The following NTMT2 variants were observed in gnomAD, a reference collection of about 807,000 sequenced individuals.
The protein encoded by NTMT2 is N-terminal Xaa-Pro-Lys N-methyltransferase 2.
A neutral mutation model predicts 23.4 loss-of-function variants in NTMT2; 21 were observed. That is an observed-to-expected ratio of 0.90 (90% CI 0.64 to 1.29). The LOEUF is 1.29. Ranked by LOEUF, NTMT2 falls within the 50% of genes most tolerant of loss-of-function variation. The pLI is 0.00. For missense variants in NTMT2, 336 were observed against 352.0 expected, an observed-to-expected ratio of 0.95 and a Z score of 0.36; for synonymous variants, 131 against 127.7, an observed-to-expected ratio of 1.03 and a Z score of -0.17.
At chr1:170,152,662 A>G (rs1390337139) in intron 1 of NTMT2, among the ~76,000 whole-genome samples, 1 of 152,098 alleles carries the variant, frequency 6.6e-6, no homozygotes, top group Non-Finnish European at 1.5e-5. Context: ...GCTTTCTAGT[A>G]TCCTGGCACA....
At chr1:170,157,607 T>C (rs1673188945) in intron 1 of NTMT2, among the ~76,000 whole-genome samples, 1 of 152,092 alleles carries the variant, frequency 6.6e-6, no homozygotes, top group Non-Finnish European at 1.5e-5. Flanking sequence ...TGGAATTATG[T>C]AATTGTTCAT....
chr1:170,146,140 A>G lies in NTMT2; in HGVS notation c.33A>G (p.Arg11=), dbSNP rs1202782482. The stretch of plus-strand genomic sequence containing the variant: ...ACCGGGGAGCCCATTTTGCCTTTAG[A>G]TCCCGCTGGCAGAAGACCGACGATG... MAHRGAHFAF[R]SRWQKTDDEL... Residue 11 remains arginine, a synonymous_variant, in exon 1 of 4, where the codon AGA becomes AGG. Coordinates refer to ENST00000439373, the MANE Select transcript of NTMT2 (RefSeq NM_001136107.2). The G allele has an allele frequency of 4.5e-6, 7 of 1,551,466 alleles. No individual in the cohort carries two copies. Among genetic ancestry groups the G allele is most frequent in the Non-Finnish European group, 5.2e-6 (6 of 1,146,902 alleles).
intron 2 of NTMT2, among the ~76,000 whole-genome samples, chr1:170,163,056 G>A (rs551562467): frequency 6.6e-6 from 1 of 152,184 alleles, no homozygotes; most frequent in South Asian, 2.1e-4. Flanking sequence ...GCTGACCACA[G>A]GGATGCTGGT....
chr1:170,164,964 T>C (rs894632733), intron 2 of NTMT2, among the ~76,000 whole-genome samples: 2 of 152,232 alleles, frequency 1.3e-5, no homozygotes, highest in African/African-American at 2.4e-5. Flanking sequence ...CTTTTTGTTC[T>C]TCATTGTACT....
intron 1 of NTMT2, among the ~76,000 whole-genome samples, chr1:170,153,606 C>T (rs1386621890): frequency 1.3e-5 from 2 of 152,192 alleles, no homozygotes; most frequent in Admixed American, 1.3e-4. Context: ...GAAGATTGAA[C>T]TTAAGAGTGA....
intron 1 of NTMT2, among the ~76,000 whole-genome samples, chr1:170,154,465 C>T (rs1302772700): frequency 6.6e-6 from 1 of 152,208 alleles, no homozygotes; most frequent in Admixed American, 6.5e-5. Flanking sequence ...GAAGTCCACA[C>T]CTCAGTGTGC....
At chr1:170,166,347 T>C (rs995352352) in intron 2 of NTMT2, among the ~76,000 whole-genome samples, 155 bp from the exon 3 acceptor site, 1 of 149,108 alleles carries the variant, frequency 6.7e-6, no homozygotes, top group Non-Finnish European at 1.5e-5. Context: ...TTCACCGTGT[T>C]AGCCAGGATG....
In NTMT2 at chr1:170,167,677, G is replaced by A; in HGVS notation, c.772G>A (p.Gly258Ser). 6.4e-7 allele frequency: 1 copy of A among 1,551,676 alleles called. No homozygotes were observed. Among genetic ancestry groups the A allele is most frequent in the Non-Finnish European group, 8.7e-7 (1 of 1,146,986 alleles). The change falls in exon 4 of 4, where the codon GGC becomes AGC. Residue 258 changes from glycine (G) to serine (S), a missense_variant. Physicochemically the swap from Gly to Ser is moderately conservative, Grantham distance 56 (BLOSUM62 0). Transcript: ENST00000439373. ...LIRKSGLVVL[G>S]QEKQDGFPEQ... The stretch of plus-strand genomic sequence containing the variant: ...AAGGAAGAGTGGGCTGGTGGTGCTG[G>A]GCCAGGAGAAGCAGGATGGCTTCCC...
intron 1 of NTMT2, chr1:170,151,420 T>C: frequency 6.5e-6 from 1 of 153,884 alleles, no homozygotes; most frequent in Middle Eastern, 5.3e-4. Context: ...ACATAGATTG[T>C]TTAGCTACCC....
intron 1 of NTMT2, among the ~76,000 whole-genome samples, chr1:170,150,599 G>T (rs1201837364): frequency 6.6e-6 from 1 of 152,132 alleles, no homozygotes; most frequent in African/African-American, 2.4e-5. Context: ...CAATGTAAAT[G>T]AAAACTTAAC....
At chr1:170,157,634 A>G (rs560145484) in intron 1 of NTMT2, among the ~76,000 whole-genome samples, 5 of 143,850 alleles carry the variant, frequency 3.5e-5, no homozygotes, top group Middle Eastern at 3.7e-3. Context: ...ATACTATCCA[A>G]TGTCTCAGTC....
At chr1:170,158,478 C>A (rs1173277387) in intron 1 of NTMT2, among the ~76,000 whole-genome samples, 2 of 151,922 alleles carry the variant, frequency 1.3e-5, no homozygotes, top group Non-Finnish European at 2.9e-5. Context: ...ACTCTTCCTT[C>A]TCTAAATGAC....
At chr1:170,153,280 C>T (rs149386254) in intron 1 of NTMT2, among the ~76,000 whole-genome samples, 79 of 152,282 alleles carry the variant, frequency 5.2e-4, no homozygotes, top group African/African-American at 1.8e-3. Flanking sequence ...ATGAGTAGAG[C>T]GTTGCTCCTG....
chr1:170,159,637 T>C (rs960588905), intron 1 of NTMT2, among the ~76,000 whole-genome samples: 2 of 152,118 alleles, frequency 1.3e-5, no homozygotes, highest in African/African-American at 4.8e-5. Flanking sequence ...GGGTTTAGTG[T>C]TTTAAGATAA....
rs1277680549 is a variant in NTMT2 at position 170,167,803 on chromosome 1, G to A, written c.*46G>A. The A allele has an allele frequency of 6.6e-7, 1 of 1,508,642 alleles. No homozygotes were observed. Among genetic ancestry groups the A allele is most frequent in the Admixed American group, 2.1e-5 (1 of 47,942 alleles). The allele number at this position is 1,508,642 out of a possible 1,614,324, so 93.5% of individuals were successfully genotyped here. A position where few individuals can be genotyped will look rare whatever the true frequency, so the allele number is the denominator to read the frequency against. On this transcript the variant is annotated 3_prime_UTR_variant, in exon 4 of 4. Transcript: ENST00000439373. ...ACTGGACTGGGCAGTGGTGCTTTGG[G>A]ATGGGGTTGCTATCCTTCCAGGTGC...
intron 1 of NTMT2, among the ~76,000 whole-genome samples, chr1:170,155,917 A>G (rs912622776): frequency 4.0e-5 from 6 of 151,890 alleles, no homozygotes; most frequent in African/African-American, 1.2e-4. Context: ...CCAAATTTTT[A>G]TATTGAAAGA....
chr1:170,155,076 A>G (rs1673139432), intron 1 of NTMT2, among the ~76,000 whole-genome samples: 1 of 152,076 alleles, frequency 6.6e-6, no homozygotes, highest in Non-Finnish European at 1.5e-5. Flanking sequence ...TGCCATGGTA[A>G]AAACTCCCTA....
At position 170,147,123 on chromosome 1, in the gene NTMT2, C is replaced by T. The variant is rs371136869; in HGVS notation, c.154+862C>T. 1.1e-3 allele frequency among the ~76,000 whole-genome samples: 172 copies of T among 152,302 alleles called. 1 individual carries two copies. The highest frequency in any genetic ancestry group is 3.9e-3 in the African/African-American group (163 of 41,570). On this transcript the variant is annotated intron_variant, in intron 1 of 3. Coordinates refer to ENST00000439373, the MANE Select transcript of NTMT2 (RefSeq NM_001136107.2). ...TGATGTGGTCAGGGTTTCCAGCTGTCGAAGCAGCTACATAATTCTTTGTAT... is the reference window on the plus strand; with the variant it reads ...TGATGTGGTCAGGGTTTCCAGCTGTTGAAGCAGCTACATAATTCTTTGTAT...
chr1:170,148,800 AGGC>A (rs1413267294), intron 1 of NTMT2, among the ~76,000 whole-genome samples: 13 of 152,318 alleles, frequency 8.5e-5, no homozygotes, highest in African/African-American at 3.1e-4. Flanking sequence ...AGGATGATAG[AGGC>A]TTTGCCAGCT....
Sources: gnomAD v4.1 joint callset for allele counts (sites outside exome capture counted in the v4.1 genomes callset) on GRCh38, gnomAD v4.1.1 for gene constraint, MANE v1.5 for transcripts, NCBI Gene and HGNC (gene_info 2026-07-23, HGNC 2026-07-21) for gene names.